The following FAM170B variants were observed in gnomAD, a reference collection of about 807,000 sequenced individuals.
The protein encoded by FAM170B is family with sequence similarity 170 member B.
FAM170B carries 4 observed loss-of-function variants against 3.9 expected under a neutral mutation model. That is an observed-to-expected ratio of 1.01 (90% confidence interval 0.50 to 2.32). FAM170B has a LOEUF of 2.32. Among genes scored for constraint, FAM170B ranks in the 30% most tolerant of loss-of-function variants. FAM170B has a pLI of 0.02. For synonymous variants in FAM170B, 163 were observed against 149.8 expected, an observed-to-expected ratio of 1.09 and a Z score of -0.64; for missense variants, 417 against 368.6, an observed-to-expected ratio of 1.13 and a Z score of -1.07.
In FAM170B at chr10:49,133,982, T is replaced by G. The variant is rs141427295; in HGVS notation, c.-64A>C. 2 of 1,326,984 alleles carry G rather than the reference T, an allele frequency of 1.5e-6. No homozygotes were observed. Among genetic ancestry groups the G allele is most frequent in the Non-Finnish European group, 2.1e-6 (2 of 942,364 alleles). 82.2% of individuals were successfully genotyped at this position (1,326,984 alleles called of 1,614,324 possible). On this transcript the variant is annotated 5_prime_UTR_variant, in exon 1 of 2. Transcript: ENST00000311787. ...GTTCAGTGAGAGTTGGCTGGGGCTG[T>G]ACTGAAGGCCTCCAGCTGGCCCCAG...
At chr10:49,133,480 G>T (rs1845212196) in intron 1 of FAM170B, among the ~76,000 whole-genome samples, 1 of 152,174 alleles carries the variant, frequency 6.6e-6, no homozygotes, top group Non-Finnish European at 1.5e-5. Context: ...TCATCATTTT[G>T]TTATAAAGGA....
Position 49,131,932 on chromosome 10 carries a change from T to C in FAM170B, c.533A>G (p.Glu178Gly), listed in dbSNP as rs1193471447. The C allele has an allele frequency of 3.2e-6, 5 of 1,549,860 alleles. No homozygotes were observed. The highest frequency in any genetic ancestry group is 2.4e-5 in the South Asian group (2 of 84,058). The change falls in exon 2 of 2, where the codon GAG becomes GGG. Residue 178 changes from glutamate (E) to glycine (G), a missense_variant. Physicochemically the swap from Glu to Gly is moderately conservative, Grantham distance 98 (BLOSUM62 -2). Coordinates refer to ENST00000311787, the MANE Select transcript of FAM170B (RefSeq NM_001164484.2). ...GCAGCACTCCAGCAGGTCTATGTCC[T>C]CGGGCTCGGGGCTGCAGTTGCTCTT... ...ACKSNCSPEP[E>G]DIDLLECCLQ... is the part of the protein sequence containing the mutation.
At position 49,133,824 on chromosome 10, in the gene FAM170B, A is replaced by G. The variant is rs1845216823; in HGVS notation, c.95T>C (p.Val32Ala). The change falls in exon 1 of 2, where the codon GTG becomes GCG. Residue 32 changes from valine (V) to alanine (A), a missense_variant. By Grantham distance (64) the Val-to-Ala change is moderately conservative. Transcript: ENST00000311787. ...LTSPESTEES[V>A]EVFWPGTIQR... ...TCACCTACCTGGCCAGAACACTTCCACACTCTCCTCAGTGGACTCAGGGCT... is the reference window on the plus strand; with the variant it reads ...TCACCTACCTGGCCAGAACACTTCCGCACTCTCCTCAGTGGACTCAGGGCT... The G allele has an allele frequency of 1.3e-6, 2 of 1,551,452 alleles. No individual in the cohort carries two copies. Among genetic ancestry groups the G allele is most frequent in the Non-Finnish European group, 1.7e-6 (2 of 1,146,922 alleles).
intron 1 of FAM170B, among the ~76,000 whole-genome samples, chr10:49,133,523 G>C (rs896013989): frequency 6.6e-6 from 1 of 152,152 alleles, no homozygotes; most frequent in African/African-American, 2.4e-5. Context: ...TCACAGGATG[G>C]ACGTGTTGTT....
rs968815628 is a variant in FAM170B, at chr10:49,133,946, G to A, written c.-28C>T. 7 of 1,530,446 alleles carry A rather than the reference G, an allele frequency of 4.6e-6. No homozygotes were observed. In the African/African-American group the frequency reaches 9.6e-5, roughly 21 times the overall value. 94.8% of individuals were successfully genotyped at this position (1,530,446 alleles called of 1,614,324 possible). ...TTTGAAATGAGTGCCCAGGGTGTCG[G>A]TGCTCCAGCTGTTCAGTGAGAGTTG... On this transcript the variant is annotated 5_prime_UTR_variant, in exon 1 of 2. Coordinates refer to ENST00000311787, the MANE Select transcript of FAM170B (RefSeq NM_001164484.2).
rs1344603618 is a variant in FAM170B at position 49,133,910 on chromosome 10, G to A, written c.9C>T (p.Cys3=). The A allele has an allele frequency of 3.9e-6, 6 of 1,551,252 alleles. No homozygotes were observed. Among genetic ancestry groups the A allele is most frequent in the Admixed American group, 3.9e-5 (2 of 50,972 alleles). Residue 3 remains cysteine (C), a synonymous_variant, in exon 1 of 2, where the codon TGC becomes TGT. Transcript: ENST00000311787. ...GTTCTCCCCTGTGATCTGTGAAGTAGCATTTCATGATTTGAAATGAGTGCC... is the reference window on the plus strand; with the variant it reads ...GTTCTCCCCTGTGATCTGTGAAGTAACATTTCATGATTTGAAATGAGTGCC... MK[C]YFTDHRGEQS... is the part of the protein sequence containing the mutation.
In FAM170B at chr10:49,131,513, G is replaced by C. The variant is rs1481065729; in HGVS notation, c.*100C>G. The C allele has an allele frequency of 3.5e-6, 5 of 1,437,502 alleles. No individual in the cohort carries two copies. Among genetic ancestry groups the C allele is most frequent in the Admixed American group, 2.7e-5 (1 of 37,380 alleles). The allele number at this position is 1,437,502 out of a possible 1,614,324, so 89.0% of individuals were successfully genotyped here. A position where few individuals can be genotyped will look rare whatever the true frequency, so the allele number is the denominator to read the frequency against. ...ATGCCTTTCCTTCCCCCTGACCCTGGTCCTCTCTCCCTGCCCTAGTGGCTC... is the reference window on the plus strand; with the variant it reads ...ATGCCTTTCCTTCCCCCTGACCCTGCTCCTCTCTCCCTGCCCTAGTGGCTC... On this transcript the variant is annotated 3_prime_UTR_variant, in exon 2 of 2. Coordinates refer to ENST00000311787, the MANE Select transcript of FAM170B (RefSeq NM_001164484.2).
At position 49,132,336 on chromosome 10, in the gene FAM170B, T is replaced by C; in HGVS notation, c.129A>G (p.Glu43=). Residue 43 remains glutamate, a synonymous_variant, in exon 2 of 2, where the codon GAA becomes GAG. Transcript: ENST00000311787. ...EVFWPGTIQR[E]GSSPRPGPAI... is the part of the protein sequence containing the mutation. ...CAGGCCCCGGCCGTGGGGACGACCCTTCTCTCTGTATAGTCCCTGAGAAGC... is the reference window on the plus strand; with the variant it reads ...CAGGCCCCGGCCGTGGGGACGACCCCTCTCTCTGTATAGTCCCTGAGAAGC... 1.3e-6 allele frequency: 2 copies of C among 1,546,800 alleles called. No homozygotes were observed. The highest frequency in any genetic ancestry group is 2.4e-5 in the South Asian group (2 of 83,552).
Position 49,131,883 on chromosome 10 carries a change from C to T in FAM170B, c.582G>A (p.Pro194=), listed in dbSNP as rs940024733. 7 of 1,546,376 alleles carry T rather than the reference C, an allele frequency of 4.5e-6. No homozygotes were observed. The highest frequency in any genetic ancestry group is 2.4e-5 in the South Asian group (2 of 84,066). ...CGTAGTTGGTGGTGACCAGCCAGTC[C>T]GGCGGCTCCCGCAGCTCCTGCAGGC... ...ECCLQELREP[P]DWLVTTNYGV... is the part of the protein sequence containing the mutation. The change falls in exon 2 of 2, where the codon CCG becomes CCA. Residue 194 remains proline (P), a synonymous_variant. Coordinates refer to ENST00000311787, the MANE Select transcript of FAM170B (RefSeq NM_001164484.2).
chr10:49,132,344 G>A lies in FAM170B; in HGVS notation c.121C>T (p.Gln41Ter). 6.5e-7 allele frequency: 1 copy of A among 1,540,148 alleles called. No homozygotes were observed. Among genetic ancestry groups the A allele is most frequent in the Non-Finnish European group, 8.8e-7 (1 of 1,141,686 alleles). ...SVEVFWPGTIQREGSSPRPGP... is the reference protein window; with the variant it reads ...SVEVFWPGTI ...GGCCGTGGGGACGACCCTTCTCTCT[G>A]TATAGTCCCTGAGAAGCAGAAGGAC... Residue 41 changes from glutamine (Q) to a stop codon, truncating the protein, a stop_gained, in exon 2 of 2, where the codon CAG becomes TAG. Coordinates refer to ENST00000311787, the MANE Select transcript of FAM170B (RefSeq NM_001164484.2). LOFTEE classifies it low-confidence loss of function (END_TRUNC).
At chr10:49,132,530 G>A (rs1358065436) in intron 1 of FAM170B, among the ~76,000 whole-genome samples, 178 bp from the exon 2 acceptor site, 1 of 152,098 alleles carries the variant, frequency 6.6e-6, no homozygotes, top group African/African-American at 2.4e-5. Flanking sequence ...CATAGGGTGT[G>A]GTAATGATTG....
At chr10:49,133,253 C>T (rs1590157380) in intron 1 of FAM170B, among the ~76,000 whole-genome samples, 1 of 152,352 alleles carries the variant, frequency 6.6e-6, no homozygotes, top group East Asian at 1.9e-4. Flanking sequence ...TCAACACTTA[C>T]TGTGTCCCTC....
At position 49,132,077 on chromosome 10, in the gene FAM170B, C is replaced by G. The variant is rs751677460; in HGVS notation, c.388G>C (p.Glu130Gln). The change falls in exon 2 of 2, where the codon GAG (glutamate) becomes CAG (glutamine). Residue 130 changes from glutamate (E) to glutamine (Q), a missense_variant. Physicochemically the swap from Glu to Gln is conservative, Grantham distance 29. Coordinates refer to ENST00000311787, the MANE Select transcript of FAM170B (RefSeq NM_001164484.2). ...ATGCGGGGCTTCCTGGTGACCGGCT[C>G]GAAGCCGGCCTCCGTCTCCCAGGCC... ...AVAWETEAGF[E>Q]PVTRKPRIHE... 3 of 1,551,614 alleles carry G rather than the reference C, an allele frequency of 1.9e-6. No homozygotes were observed. Among genetic ancestry groups the G allele is most frequent in the Admixed American group, 2.0e-5 (1 of 51,010 alleles).
Position 49,132,090 on chromosome 10 carries a change from C to T in FAM170B, c.375G>A (p.Thr125=), listed in dbSNP as rs992216383. The T allele has an allele frequency of 5.8e-6, 9 of 1,551,600 alleles. No individual in the cohort carries two copies. Among genetic ancestry groups the T allele is most frequent in the African/African-American group, 5.5e-5 (4 of 73,072 alleles). ...TGGTGACCGGCTCGAAGCCGGCCTC[C>T]GTCTCCCAGGCCACAGCCACACCCC... The part of the protein sequence containing the change: ...TVRGVAVAWE[T]EAGFEPVTRK... The change falls in exon 2 of 2, where the codon ACG becomes ACA. Residue 125 remains threonine (T), a synonymous_variant. Coordinates refer to ENST00000311787, the MANE Select transcript of FAM170B (RefSeq NM_001164484.2).
chr10:49,131,229 A>C lies in FAM170B; in HGVS notation c.*384T>G. ...CATATGACAGATTTGTAATAGTGAA[A>C]AAAATAGGGCTGGAGAGTAATTTGC... On this transcript the variant is annotated 3_prime_UTR_variant, in exon 2 of 2. Coordinates refer to ENST00000311787, the MANE Select transcript of FAM170B (RefSeq NM_001164484.2). The C allele has an allele frequency of 5.2e-6, 1 of 193,264 alleles. No individual in the cohort carries two copies. Among genetic ancestry groups the C allele is most frequent in the Non-Finnish European group, 1.1e-5 (1 of 93,834 alleles). The allele number at this position is 193,264 out of a possible 1,614,324, so 12.0% of individuals were successfully genotyped here. A position where few individuals can be genotyped will look rare whatever the true frequency, so the allele number is the denominator to read the frequency against.
chr10:49,133,980 T>C lies in FAM170B; in HGVS notation c.-62A>G. On this transcript the variant is annotated 5_prime_UTR_variant, in exon 1 of 2. Transcript: ENST00000311787. The stretch of plus-strand genomic sequence containing the variant: ...CTGTTCAGTGAGAGTTGGCTGGGGC[T>C]GTACTGAAGGCCTCCAGCTGGCCCC... The C allele has an allele frequency of 7.4e-7, 1 of 1,350,892 alleles. No homozygotes were observed. The highest frequency in any genetic ancestry group is 1.0e-6 in the Non-Finnish European group (1 of 964,068). 83.7% of individuals were successfully genotyped at this position (1,350,892 alleles called of 1,614,324 possible).
rs1261973989 is a variant in FAM170B at position 49,132,205 on chromosome 10, T to G, written c.260A>C (p.Gln87Pro). Residue 87 changes from glutamine to proline, a missense_variant, in exon 2 of 2, where the codon CAG (glutamine) becomes CCG (proline). By Grantham distance (76) the Gln-to-Pro change is moderately conservative. Coordinates refer to ENST00000311787, the MANE Select transcript of FAM170B (RefSeq NM_001164484.2). ...SESSEYQSYS[Q>P]YQSCCSCMCD... ...CATGCAGGAGCAGCACGACTGGTAC[T>G]GGGAGTAGGACTGGTACTCGGAGGA... is the stretch of plus-strand genomic sequence containing the variant. 31 of 1,551,742 alleles carry G rather than the reference T, an allele frequency of 2.0e-5. No homozygotes were observed. The highest frequency in any genetic ancestry group is 2.7e-5 in the Non-Finnish European group (31 of 1,147,018).
In FAM170B at chr10:49,131,491, C is replaced by G; in HGVS notation, c.*122G>C. On this transcript the variant is annotated 3_prime_UTR_variant, in exon 2 of 2. Transcript: ENST00000311787. ...GGCCCTCCTTGCTCTACACTCCATG[C>G]CTTTCCTTCCCCCTGACCCTGGTCC... The G allele has an allele frequency of 7.3e-7, 1 of 1,373,918 alleles. No individual in the cohort carries two copies. Among genetic ancestry groups the G allele is most frequent in the Non-Finnish European group, 9.6e-7 (1 of 1,040,108 alleles). The allele number at this position is 1,373,918 out of a possible 1,614,324, so 85.1% of individuals were successfully genotyped here. A position where few individuals can be genotyped will look rare whatever the true frequency, so the allele number is the denominator to read the frequency against.
In FAM170B at chr10:49,131,858, C is replaced by A; in HGVS notation, c.607G>T (p.Gly203Trp). The change falls in exon 2 of 2, where the codon GGG becomes TGG. Residue 203 changes from glycine (G) to tryptophan (W), a missense_variant. Physicochemically the swap from Gly to Trp is radical, Grantham distance 184. Transcript: ENST00000311787. ...PPDWLVTTNY[G>W]VRCVACCRVL... ...CTGCAGCAGGCCACGCAGCGCACCC[C>A]GTAGTTGGTGGTGACCAGCCAGTCC... 2 of 1,546,368 alleles carry A rather than the reference C, an allele frequency of 1.3e-6. No individual in the cohort carries two copies. Among genetic ancestry groups the A allele is most frequent in the Non-Finnish European group, 1.7e-6 (2 of 1,146,866 alleles).
Sources: allele counts gnomAD v4.1 joint callset (sites outside exome capture counted in the v4.1 genomes callset), GRCh38; gene constraint gnomAD v4.1.1; transcripts MANE v1.5; gene names NCBI Gene and HGNC (gene_info 2026-07-23, HGNC 2026-07-21).